Variants in RAD51B observed in about 807,000 individuals in gnomAD.
RAD51B encodes RAD51 paralog B.
A neutral mutation model predicts 42.2 loss-of-function variants in RAD51B; 38 were observed. The ratio of observed to expected loss-of-function variants is 0.90; its 90% CI spans 0.70 to 1.18. The LOEUF (loss-of-function observed/expected upper bound fraction) is 1.18, where lower values mean the gene tolerates loss of function less well. Ranked by LOEUF, RAD51B falls within the 50% of genes most tolerant of loss-of-function variation. The probability of loss-of-function intolerance (pLI) is 0.00; values close to 1 mark genes in which losing one functional copy is unlikely to be tolerated. For synonymous variants in RAD51B, 154 were observed against 145.2 expected (o/e 1.06, Z -0.43); for missense variants, 373 against 400.7 (o/e 0.93, Z 0.59).
At chr14:68,494,960 G>A (rs1360219433) in intron 10 of RAD51B, among the ~76,000 whole-genome samples, 1 of 152,208 alleles carries the variant, frequency 6.6e-6, no homozygotes, top group Non-Finnish European at 1.5e-5. Flanking sequence ...TGACTCGCTT[G>A]TAGATTCCTG....
chr14:67,911,809 C>G (rs947273602), intron 7 of RAD51B, among the ~76,000 whole-genome samples: 1 of 152,192 alleles, frequency 6.6e-6, no homozygotes, highest in Non-Finnish European at 1.5e-5. Flanking sequence ...TACTCCTTCC[C>G]ATTCTTTCCT....
intron 7 of RAD51B, among the ~76,000 whole-genome samples, chr14:68,179,908 G>A (rs1482059012): frequency 2.0e-5 from 3 of 152,130 alleles, no homozygotes; most frequent in Non-Finnish European, 4.4e-5. Context: ...CCAAACACTA[G>A]GACACCAGCC....
At chr14:68,303,721 C>T (rs2081798328) in intron 8 of RAD51B, among the ~76,000 whole-genome samples, 1 of 152,132 alleles carries the variant, frequency 6.6e-6, no homozygotes, top group African/African-American at 2.4e-5. Flanking sequence ...CCTACCTTAC[C>T]AACCCAGGAG....
At chr14:68,280,235 A>G (rs954858396) in intron 7 of RAD51B, among the ~76,000 whole-genome samples, 2 of 152,246 alleles carry the variant, frequency 1.3e-5, no homozygotes. Flanking sequence ...AATTTGTTTT[A>G]TACTTAAACA....
At chr14:68,303,321 TA>T (rs2081785344) in intron 8 of RAD51B, among the ~76,000 whole-genome samples, 2 of 151,844 alleles carry the variant, frequency 1.3e-5, no homozygotes, top group Non-Finnish European at 2.9e-5. Flanking sequence ...GGTTGGGGGC[TA>T]GGGGAGGTAT....
chr14:68,237,517 A>G lies in RAD51B; in HGVS notation c.757-54367A>G, dbSNP rs553017028. Among the ~76,000 whole-genome samples, 4 of 152,280 alleles carry G rather than the reference A, an allele frequency of 2.6e-5. No individual in the cohort carries two copies. In the East Asian group the frequency reaches 5.8e-4, roughly 22 times the overall value. On this transcript the variant is annotated intron_variant, in intron 7 of 10. Coordinates refer to ENST00000471583, the MANE Select transcript of RAD51B (RefSeq NM_133510.4). ...CCTGAGTTGTGTAACTATTGTCATT[A>G]TCAAGTTTGAGAACATTTTTACTCC... is the stretch of plus-strand genomic sequence containing the variant.
chr14:68,515,404 T>C (rs1297562929), intron 10 of RAD51B, among the ~76,000 whole-genome samples: 1 of 151,228 alleles, frequency 6.6e-6, no homozygotes, highest in Non-Finnish European at 1.5e-5. Flanking sequence ...TTCAGACATA[T>C]GGACCAATAA....
At chr14:67,879,328 T>C (rs1468125029) in intron 5 of RAD51B, among the ~76,000 whole-genome samples, 1 of 152,252 alleles carries the variant, frequency 6.6e-6, no homozygotes, top group African/African-American at 2.4e-5. Context: ...TGGACATTAA[T>C]GACATCTACA....
intron 7 of RAD51B, among the ~76,000 whole-genome samples, chr14:68,088,214 G>A (rs2077030672): frequency 1.3e-5 from 2 of 151,096 alleles, no homozygotes; most frequent in South Asian, 4.2e-4. Context: ...CAAAGGTTTT[G>A]TTACAGTCCT....
intron 7 of RAD51B, among the ~76,000 whole-genome samples, chr14:68,143,594 C>A (rs1055021107): frequency 6.6e-6 from 1 of 152,206 alleles, no homozygotes; most frequent in African/African-American, 2.4e-5. Flanking sequence ...TGAGCTCCCC[C>A]CATACCACAC....
chr14:68,025,839 A>G (rs544513095), intron 7 of RAD51B, among the ~76,000 whole-genome samples: 10 of 151,892 alleles, frequency 6.6e-5, no homozygotes, highest in South Asian at 4.2e-4. Context: ...GATCTTTCGT[A>G]TGGATTTTTA....
chr14:68,538,096 G>T (rs1410267382), intron 10 of RAD51B, among the ~76,000 whole-genome samples: 1 of 152,170 alleles, frequency 6.6e-6, no homozygotes, highest in East Asian at 1.9e-4. Context: ...CCTAACTCTG[G>T]CTCTTTCCAG....
At chr14:68,412,752 C>G (rs2084453772) in intron 9 of RAD51B, among the ~76,000 whole-genome samples, 1 of 152,160 alleles carries the variant, frequency 6.6e-6, no homozygotes, top group Non-Finnish European at 1.5e-5. Context: ...AGTCTGGTAT[C>G]CTAGGTTCTG....
chr14:68,494,033 T>C (rs543776110), intron 10 of RAD51B, among the ~76,000 whole-genome samples: 1 of 152,190 alleles, frequency 6.6e-6, no homozygotes, highest in Non-Finnish European at 1.5e-5. Context: ...CCCAGCACTA[T>C]GGGAGGCCGA....
downstream of RAD51B, among the ~76,000 whole-genome samples, chr14:68,613,649 T>C (rs1595028558): frequency 6.6e-6 from 1 of 151,752 alleles, no homozygotes; most frequent in Non-Finnish European, 1.5e-5. Context: ...AGAGATGGGG[T>C]TTCACCGTGT....
chr14:68,288,114 G>T (rs966054790), intron 7 of RAD51B, among the ~76,000 whole-genome samples: 7 of 152,182 alleles, frequency 4.6e-5, no homozygotes, highest in Admixed American at 2.6e-4. Flanking sequence ...TTAGAAACCA[G>T]ACTGTGTTGA....
chr14:67,847,332 T>C (rs2041653289), intron 4 of RAD51B, among the ~76,000 whole-genome samples: 1 of 119,878 alleles, frequency 8.3e-6, no homozygotes, highest in South Asian at 3.0e-4. Context: ...TGTTCTTTTT[T>C]TTTTTTTTTT....
At chr14:68,013,867 G>T (rs928310937) in intron 7 of RAD51B, among the ~76,000 whole-genome samples, 7 of 152,068 alleles carry the variant, frequency 4.6e-5, no homozygotes, top group African/African-American at 1.7e-4. Context: ...TCTTAGAATT[G>T]GGATGTGATA....
intron 8 of RAD51B, among the ~76,000 whole-genome samples, chr14:68,316,622 G>A (rs1366548495): frequency 1.3e-5 from 2 of 152,172 alleles, no homozygotes; most frequent in African/African-American, 2.4e-5. Context: ...TCGGCTGTGA[G>A]ACAGAACAAC....
Sources: gnomAD v4.1 joint callset for allele counts (sites outside exome capture counted in the v4.1 genomes callset) on GRCh38, gnomAD v4.1.1 for gene constraint, MANE v1.5 for transcripts, NCBI Gene and HGNC (gene_info 2026-07-23, HGNC 2026-07-21) for gene names.